Variants in SCHIP1 observed in about 807,000 individuals in gnomAD.
The protein encoded by SCHIP1 is schwannomin interacting protein 1.
Under a neutral mutation model 29.7 loss-of-function variants are expected in SCHIP1, and 8 were observed. The observed-to-expected ratio is 0.27, with a 90% CI of 0.16 to 0.49. The LOEUF (loss-of-function observed/expected upper bound fraction) is 0.49, where lower values mean the gene tolerates loss of function less well. SCHIP1 is among the 20% of genes least tolerant of loss of function. The pLI, the probability that SCHIP1 is intolerant of heterozygous loss-of-function variation, is 0.99. For missense variants in SCHIP1, 193 were observed against 294.6 expected (o/e 0.66, Z 2.52); for synonymous variants, 76 against 94.9 (o/e 0.80, Z 1.16).
the SCHIP1 span, among the ~76,000 whole-genome samples, chr3:159,633,638 G>T: frequency 5.3e-5 from 8 of 152,192 alleles, no homozygotes; most frequent in Non-Finnish European, 1.0e-4. Flanking sequence ...ATTTTAATAT[G>T]AAATTTTCTA....
At chr3:159,551,650 T>C in the SCHIP1 span, among the ~76,000 whole-genome samples, 3 of 152,192 alleles carry the variant, frequency 2.0e-5, no homozygotes, top group South Asian at 2.1e-4. Flanking sequence ...TTTTCAAATA[T>C]GGCAAATGTT....
At chr3:159,882,796 G>T (rs1716574692) in intron 2 of SCHIP1, among the ~76,000 whole-genome samples, 1 of 152,162 alleles carries the variant, frequency 6.6e-6, no homozygotes, top group African/African-American at 2.4e-5. Flanking sequence ...TTGGAAGTCA[G>T]CACCAGTGTT....
At chr3:159,719,614 G>C in the SCHIP1 span, among the ~76,000 whole-genome samples, 3 of 152,318 alleles carry the variant, frequency 2.0e-5, no homozygotes, top group South Asian at 6.2e-4. Flanking sequence ...CATTTATGCA[G>C]CCAACAGACA....
chr3:159,522,285 G>GT, the SCHIP1 span, among the ~76,000 whole-genome samples: 1 of 152,182 alleles, frequency 6.6e-6, no homozygotes, highest in African/African-American at 2.4e-5. Flanking sequence ...GCCTAAGGTT[G>GT]TATTTTAGTA....
the SCHIP1 span, among the ~76,000 whole-genome samples, chr3:159,561,580 G>A: frequency 2.0e-5 from 3 of 151,870 alleles, no homozygotes; most frequent in Non-Finnish European, 4.4e-5. Flanking sequence ...ATGAAATTGT[G>A]TTGTAAAACA....
chr3:159,885,944 G>C (rs1327397838), intron 2 of SCHIP1, among the ~76,000 whole-genome samples: 1 of 152,216 alleles, frequency 6.6e-6, no homozygotes, highest in Non-Finnish European at 1.5e-5. Flanking sequence ...CCAACTATCT[G>C]TTTGGTATTG....
chr3:159,398,569 T>C, the SCHIP1 span, among the ~76,000 whole-genome samples: 1 of 152,144 alleles, frequency 6.6e-6, no homozygotes, highest in Non-Finnish European at 1.5e-5. Context: ...GGGGAACAAT[T>C]AGGAGGCAGT....
At chr3:159,378,264 AT>A in the SCHIP1 span, among the ~76,000 whole-genome samples, 1 of 152,184 alleles carries the variant, frequency 6.6e-6, no homozygotes, top group Non-Finnish European at 1.5e-5. Context: ...GTAGAGCTGG[AT>A]CTTCCACTCA....
At chr3:159,515,119 T>G in the SCHIP1 span, among the ~76,000 whole-genome samples, 1 of 152,110 alleles carries the variant, frequency 6.6e-6, no homozygotes, top group African/African-American at 2.4e-5. Context: ...CTGGCTGGGA[T>G]TATTTTAGTC....
chr3:159,293,848 T>A, the SCHIP1 span, among the ~76,000 whole-genome samples: 1 of 152,056 alleles, frequency 6.6e-6, no homozygotes, highest in Non-Finnish European at 1.5e-5. Flanking sequence ...ACACACAACT[T>A]CTTTCAGATA....
chr3:159,291,940 G>A, the SCHIP1 span, among the ~76,000 whole-genome samples: 3 of 152,064 alleles, frequency 2.0e-5, no homozygotes, highest in Non-Finnish European at 2.9e-5. Context: ...GACATTTAAA[G>A]GATGTAACAA....
chr3:159,464,048 T>C, the SCHIP1 span, among the ~76,000 whole-genome samples: 1 of 152,196 alleles, frequency 6.6e-6, no homozygotes, highest in Non-Finnish European at 1.5e-5. Context: ...TCTATGTCTG[T>C]TCACATGTGA....
chr3:159,839,763 C>T, upstream of SCHIP1: 1 of 542,206 alleles, frequency 1.8e-6, no homozygotes, highest in Non-Finnish European at 2.7e-6. Context: ...CCCTCTCCCT[C>T]GCTGGCCTTT....
At chr3:159,599,617 T>C in the SCHIP1 span, among the ~76,000 whole-genome samples, 133 of 152,350 alleles carry the variant, frequency 8.7e-4, no homozygotes, top group African/African-American at 3.1e-3. Context: ...TTCCATGCTA[T>C]GTATATATAC....
At chr3:159,627,633 G>A in the SCHIP1 span, among the ~76,000 whole-genome samples, 7 of 152,144 alleles carry the variant, frequency 4.6e-5, no homozygotes, top group Non-Finnish European at 1.5e-5. Context: ...TGCTTATCTG[G>A]GAGTTCATCG....
At chr3:159,687,482 G>A in the SCHIP1 span, among the ~76,000 whole-genome samples, 43 of 151,982 alleles carry the variant, frequency 2.8e-4, no homozygotes, top group East Asian at 7.9e-3. Context: ...TGATATTCAA[G>A]GTTTTGGAAC....
the SCHIP1 span, among the ~76,000 whole-genome samples, chr3:159,750,152 T>A: frequency 5.9e-5 from 9 of 151,692 alleles, no homozygotes; most frequent in Middle Eastern, 6.8e-3. Context: ...ATACTAAATT[T>A]AGAAGTTTAT....
the SCHIP1 span, among the ~76,000 whole-genome samples, chr3:159,345,276 T>G: frequency 6.6e-6 from 1 of 150,450 alleles, no homozygotes; most frequent in African/African-American, 2.4e-5. Flanking sequence ...ATAAAGAAAT[T>G]AAAAGCCAAA....
chr3:159,416,151 A>G, the SCHIP1 span, among the ~76,000 whole-genome samples: 1 of 152,122 alleles, frequency 6.6e-6, no homozygotes, highest in African/African-American at 2.4e-5. Context: ...ATTTCCCCAA[A>G]TTCTCTAATC....
Sources: gnomAD v4.1 joint callset for allele counts (sites outside exome capture counted in the v4.1 genomes callset) on GRCh38, gnomAD v4.1.1 for gene constraint, MANE v1.5 for transcripts, NCBI Gene and HGNC (gene_info 2026-07-23, HGNC 2026-07-21) for gene names.